Variants in FBXO40 observed in about 807,000 individuals in gnomAD.
FBXO40 encodes F-box protein 40.
FBXO40 carries 50 observed loss-of-function variants against 49.9 expected under a neutral mutation model. That is an observed-to-expected ratio of 1.00 (90% CI 0.80 to 1.27). The LOEUF is 1.27. Among genes scored for constraint, FBXO40 ranks in the 50% most tolerant of loss-of-function variants. FBXO40 has a pLI of 0.00. For missense variants in FBXO40, 895 were observed against 870.1 expected, an observed-to-expected ratio of 1.03 and a Z score of -0.36; for synonymous variants, 340 against 320.2, an observed-to-expected ratio of 1.06 and a Z score of -0.66.
At chr3:121,614,302 C>T (rs904728396) in intron 1 of FBXO40, among the ~76,000 whole-genome samples, 10 of 140,352 alleles carry the variant, frequency 7.1e-5, no homozygotes, top group Non-Finnish European at 1.5e-4. Context: ...ATTAGCTGGG[C>T]GTGGTGGTGT....
intron 3 of FBXO40, among the ~76,000 whole-genome samples, chr3:121,626,371 A>G (rs2049061458): frequency 1.3e-5 from 2 of 152,222 alleles, no homozygotes; most frequent in Admixed American, 1.3e-4. Context: ...TTGCACTGGT[A>G]CTAATTGTTC....
intron 1 of FBXO40, among the ~76,000 whole-genome samples, chr3:121,597,673 T>G (rs1191117062): frequency 6.7e-6 from 1 of 150,002 alleles, no homozygotes; most frequent in Non-Finnish European, 1.5e-5. Flanking sequence ...TTTTTTTTTT[T>G]TTTTTTGAGA....
Position 121,599,725 on chromosome 3 carries a change from T to TATA in FBXO40, c.-31+6223_-31+6224insATA, listed in dbSNP as rs1491480445. 4.2e-4 allele frequency among the ~76,000 whole-genome samples: 17 copies of TATA among 40,730 alleles called. 1 individual carries two copies. Among genetic ancestry groups the TATA allele is most frequent in the East Asian group, 3.6e-3 (2 of 550 alleles). The allele number at this position is 40,730 out of a possible 152,430, so 26.7% of individuals were successfully genotyped here. ...ACACACATATATATATATATATATA[T>TATA]TTTTTTTTTTTTTTGGAGACGGAGT... On this transcript the variant is annotated intron_variant, in intron 1 of 3. Coordinates refer to ENST00000338040, the MANE Select transcript of FBXO40 (RefSeq NM_016298.4).
intron 1 of FBXO40, among the ~76,000 whole-genome samples, chr3:121,609,856 T>C (rs1046789221): frequency 2.6e-5 from 4 of 152,210 alleles, no homozygotes; most frequent in Admixed American, 2.6e-4. Flanking sequence ...CAGGGCTCCA[T>C]TATGCTGGGC....
At chr3:121,597,850 A>G (rs890553988) in intron 1 of FBXO40, among the ~76,000 whole-genome samples, 1 of 151,910 alleles carries the variant, frequency 6.6e-6, no homozygotes, top group African/African-American at 2.4e-5. Flanking sequence ...TTTAGTAGAG[A>G]CAGGGTTTCT....
chr3:121,620,979 T>C (rs78281948), intron 2 of FBXO40, among the ~76,000 whole-genome samples: 7,615 of 152,242 alleles, frequency 0.05, 586 homozygotes, highest in African/African-American at 0.17. Flanking sequence ...GTTGATTAAA[T>C]GATAGCACAC....
At chr3:121,600,501 G>A (rs1485677083) in intron 1 of FBXO40, among the ~76,000 whole-genome samples, 1 of 152,144 alleles carries the variant, frequency 6.6e-6, no homozygotes, top group Non-Finnish European at 1.5e-5. Flanking sequence ...CCATAAGGAA[G>A]GAGGGGCTTC....
intron 1 of FBXO40, among the ~76,000 whole-genome samples, chr3:121,617,884 C>T (rs2108849810): frequency 6.6e-6 from 1 of 151,956 alleles, no homozygotes; most frequent in Middle Eastern, 3.4e-3. Flanking sequence ...ATTGTAATCC[C>T]AGCTACTTGG....
Position 121,627,044 on chromosome 3 carries a change from A to G in FBXO40, c.*134A>G, listed in dbSNP as rs1037343617. The G allele has an allele frequency of 1.7e-5, 13 of 751,174 alleles. No homozygotes were observed. Among genetic ancestry groups the G allele is most frequent in the Admixed American group, 7.1e-5 (3 of 42,246 alleles). The allele number at this position is 751,174 out of a possible 1,614,324, so 46.5% of individuals were successfully genotyped here. A position where few individuals can be genotyped will look rare whatever the true frequency, so the allele number is the denominator to read the frequency against. On this transcript the variant is annotated 3_prime_UTR_variant, in exon 4 of 4. Coordinates refer to ENST00000338040, the MANE Select transcript of FBXO40 (RefSeq NM_016298.4). The stretch of plus-strand genomic sequence containing the variant: ...TTATCGGGGTGTATTGGAACACGCA[A>G]TGTCCTTCGAAACCTCAACACGAGG...
At chr3:121,615,194 GCA>G in intron 1 of FBXO40, among the ~76,000 whole-genome samples, 1 of 64,452 alleles carries the variant, frequency 1.6e-5, no homozygotes, top group East Asian at 5.2e-4. Context: ...AACAGAGAGA[GCA>G]TCTCAAAAAA....
At chr3:121,618,224 C>T (rs2049009083) in intron 1 of FBXO40, among the ~76,000 whole-genome samples, 1 of 151,806 alleles carries the variant, frequency 6.6e-6, no homozygotes, top group African/African-American at 2.4e-5. Flanking sequence ...TTGGAGACAA[C>T]TGGAGAAATG....
intron 1 of FBXO40, among the ~76,000 whole-genome samples, chr3:121,600,368 C>T (rs1013609677): frequency 2.6e-5 from 4 of 152,060 alleles, no homozygotes; most frequent in Non-Finnish European, 5.9e-5. Context: ...AACCCTACAA[C>T]CTTCCCTTTC....
Position 121,600,033 on chromosome 3 carries a change from T to C in FBXO40, c.-31+6531T>C, listed in dbSNP as rs116591317. ...CCACCATGCCCTGTCTAAACACACA[T>C]ATATATATACACACACACACAGGAT... On this transcript the variant is annotated intron_variant, in intron 1 of 3. Coordinates refer to ENST00000338040, the MANE Select transcript of FBXO40 (RefSeq NM_016298.4). 8.9e-3 allele frequency among the ~76,000 whole-genome samples: 1,335 copies of C among 149,684 alleles called. 7 individuals are homozygous for C. The highest frequency in any genetic ancestry group is 0.028 in the Middle Eastern group (8 of 282).
At chr3:121,598,502 C>T (rs183656335) in intron 1 of FBXO40, among the ~76,000 whole-genome samples, 2 of 152,306 alleles carry the variant, frequency 1.3e-5, no homozygotes, top group African/African-American at 4.8e-5. Flanking sequence ...TACAAAGATT[C>T]ATACAGAGCT....
At chr3:121,600,504 G>A (rs1212382741) in intron 1 of FBXO40, among the ~76,000 whole-genome samples, 1 of 152,132 alleles carries the variant, frequency 6.6e-6, no homozygotes, top group Non-Finnish European at 1.5e-5. Context: ...TAAGGAAGGA[G>A]GGGCTTCTTA....
chr3:121,595,468 A>G (rs1209628803), intron 1 of FBXO40, among the ~76,000 whole-genome samples: 1 of 152,236 alleles, frequency 6.6e-6, no homozygotes, highest in Non-Finnish European at 1.5e-5. Flanking sequence ...AATAGTACTG[A>G]TACAAAAGCA....
intron 3 of FBXO40, 46 bp from the exon 4 acceptor site, chr3:121,626,649 G>A (rs370247703): frequency 2.6e-6 from 4 of 1,567,766 alleles, no homozygotes; most frequent in Non-Finnish European, 3.5e-6. Flanking sequence ...CCAGCCAGAG[G>A]GTAACACCCC....
chr3:121,613,105 C>T (rs1188900338), intron 1 of FBXO40, among the ~76,000 whole-genome samples: 1 of 151,678 alleles, frequency 6.6e-6, no homozygotes, highest in Non-Finnish European at 1.5e-5. Flanking sequence ...TTAAGCCCAT[C>T]CAGTTTAAAC....
In FBXO40 at chr3:121,604,330, G is replaced by A. The variant is rs557041775; in HGVS notation, c.-31+10828G>A. On this transcript the variant is annotated intron_variant, in intron 1 of 3. Transcript: ENST00000338040. ...AACATAGAAACTTATAAGAATTATA[G>A]CTATAATTATAAAACATGATATATG... Among the ~76,000 whole-genome samples the A allele has an allele frequency of 3.3e-5, 5 of 152,246 alleles. No homozygotes were observed. The East Asian group carries it at 7.7e-4, about 23-fold the overall frequency.
Sources: gnomAD v4.1 joint callset for allele counts (sites outside exome capture counted in the v4.1 genomes callset) on GRCh38, gnomAD v4.1.1 for gene constraint, MANE v1.5 for transcripts, NCBI Gene and HGNC (gene_info 2026-07-23, HGNC 2026-07-21) for gene names.